TEX19: variants seen among roughly 807,000 people sequenced by gnomAD.
The protein encoded by TEX19 is testis-expressed protein 19.
For synonymous variants in TEX19, 77 were observed against 73.9 expected (o/e 1.04, Z -0.21); for missense variants, 184 against 194.4 (o/e 0.95, Z 0.32).
At position 82,362,792 on chromosome 17, in the gene TEX19, C is replaced by A; in HGVS notation, c.*147C>A. 3.9e-6 allele frequency: 4 copies of A among 1,032,182 alleles called. No individual in the cohort carries two copies. In the South Asian group the frequency reaches 8.2e-5, roughly 21 times the overall value. 63.9% of individuals were successfully genotyped at this position (1,032,182 alleles called of 1,614,324 possible). ...TGGTGGGCTGCTATGATACCATCTA[C>A]CTACAGAAGATGACCCCAGACAGGG... On this transcript the variant is annotated 3_prime_UTR_variant, in exon 2 of 2. Coordinates refer to ENST00000333437, the MANE Select transcript of TEX19 (RefSeq NM_207459.4). The surrounding 1 kb of genome is among the most constrained non-coding windows in gnomAD (Gnocchi z 5.5).
chr17:82,361,486 TCAGGTTCCCC>T lies in TEX19; in HGVS notation c.-271-390_-271-381del, dbSNP rs1292724494. Among the ~76,000 whole-genome samples the T allele has an allele frequency of 2.2e-5, 3 of 135,946 alleles. No individual in the cohort carries two copies. The South Asian group carries it at 7.1e-4, about 32-fold the overall frequency. The allele number at this position is 135,946 out of a possible 152,430, so 89.2% of individuals were successfully genotyped here. On this transcript the variant is annotated intron_variant, in intron 1 of 1. Coordinates refer to ENST00000333437, the MANE Select transcript of TEX19 (RefSeq NM_207459.4). ...TTCCCTCAGTTTCCCCCAGTTTCTC[TCAGGTTCCCC>T]CAGTTTCCCTCAGTTTCCCCCAGTT... is the stretch of plus-strand genomic sequence containing the variant.
chr17:82,362,084 A>G lies in TEX19; in HGVS notation c.-67A>G. 4 of 1,540,340 alleles carry G rather than the reference A, an allele frequency of 2.6e-6. No homozygotes were observed. In the South Asian group the frequency reaches 5.0e-5, roughly 19 times the overall value. On this transcript the variant is annotated 5_prime_UTR_variant, in exon 2 of 2. Coordinates refer to ENST00000333437, the MANE Select transcript of TEX19 (RefSeq NM_207459.4). The surrounding 1 kb of genome is among the most constrained non-coding windows in gnomAD (Gnocchi z 5.5). ...TACTGGCCTCAGCACCTGTGGCCAG[A>G]CCGTCCAAGATCCTCTGAAGGCCCA...
At chr17:82,359,557 AAGTTTCCCTC>A (rs1329322396) in intron 1 of TEX19, among the ~76,000 whole-genome samples, 2 of 88,440 alleles carry the variant, frequency 2.3e-5, no homozygotes, top group Non-Finnish European at 4.5e-5. Flanking sequence ...AGTTTCCCTC[AAGTTTCCCTC>A]AGTTTCCCTC....
intron 1 of TEX19, among the ~76,000 whole-genome samples, chr17:82,360,775 AAGTTTCCCTCAGGTTCCCCC>A (rs2052381917): frequency 1.6e-4 from 8 of 49,204 alleles, no homozygotes; most frequent in African/African-American, 6.8e-4. Flanking sequence ...AGTTTCCCTC[AAGTTTCCCTCAGGTTCCCCC>A]AGTTTCCCTC....
At chr17:82,361,714 G>A (rs1028542943) in intron 1 of TEX19, 166 bp from the exon 2 acceptor site, 14 of 985,142 alleles carry the variant, frequency 1.4e-5, no homozygotes, top group South Asian at 4.7e-5. Flanking sequence ...CGGGGAGGTC[G>A]GATGGAGGAA....
intron 1 of TEX19, chr17:82,361,632 T>G: frequency 1.0e-6 from 1 of 985,392 alleles, no homozygotes; most frequent in South Asian, 4.7e-5. Context: ...TCCCTCATGT[T>G]CCCCCAGGTT....
rs1286675254 is a variant in TEX19 at position 82,362,400 on chromosome 17, G to A, written c.250G>A (p.Gly84Arg). The change falls in exon 2 of 2, where the codon GGG becomes AGG. Residue 84 changes from glycine to arginine, a missense_variant. Transcript: ENST00000333437. The surrounding 1 kb of genome is among the most constrained non-coding windows in gnomAD (Gnocchi z 5.5). ...EGSSGMELSWGQSPGQPVQGG... is the reference protein window; with the variant it reads ...EGSSGMELSWRQSPGQPVQGG... ...GTCCTCAGGGATGGAGCTGAGCTGG[G>A]GGCAGAGCCCAGGACAGCCTGTGCA... is the stretch of plus-strand genomic sequence containing the variant. 1 of 1,613,232 alleles carries A rather than the reference G, an allele frequency of 6.2e-7. No individual in the cohort carries two copies. Among genetic ancestry groups the A allele is most frequent in the African/African-American group, 1.3e-5 (1 of 75,050 alleles).
Position 82,362,918 on chromosome 17 carries a change from G to A in TEX19, c.*273G>A. On this transcript the variant is annotated 3_prime_UTR_variant, in exon 2 of 2. Coordinates refer to ENST00000333437, the MANE Select transcript of TEX19 (RefSeq NM_207459.4). The surrounding 1 kb of genome is among the most constrained non-coding windows in gnomAD (Gnocchi z 5.5). ...CACCCCAAGAGCAGGACCTGCACTG[G>A]TGGATGCTGAGCATTCTAGAAACAT... The A allele has an allele frequency of 2.3e-6, 1 of 427,420 alleles. No homozygotes were observed. Among genetic ancestry groups the A allele is most frequent in the Non-Finnish European group, 4.3e-6 (1 of 233,450 alleles). The allele number at this position is 427,420 out of a possible 1,614,324, so 26.5% of individuals were successfully genotyped here. A position where few individuals can be genotyped will look rare whatever the true frequency, so the allele number is the denominator to read the frequency against.
rs1184019063 is a variant in TEX19 at position 82,362,511 on chromosome 17, C to T, written c.361C>T (p.Pro121Ser). Residue 121 changes from proline (P) to serine (S), a missense_variant, in exon 2 of 2, where the codon CCC becomes TCC. Coordinates refer to ENST00000333437, the MANE Select transcript of TEX19 (RefSeq NM_207459.4). The surrounding 1 kb of genome is among the most constrained non-coding windows in gnomAD (Gnocchi z 5.5). Reference sequence around the variant, plus strand: ...TGCAGGTCTGGACCCCCACTTTGTCCCCACTGAACTATGGCCTCAGGAGGC... The same window carrying T: ...TGCAGGTCTGGACCCCCACTTTGTCTCCACTGAACTATGGCCTCAGGAGGC... ...EDAGLDPHFV[P>S]TELWPQEAVP... 3.1e-6 allele frequency: 5 copies of T among 1,612,922 alleles called. No homozygotes were observed. Among genetic ancestry groups the T allele is most frequent in the Non-Finnish European group, 4.2e-6 (5 of 1,179,946 alleles).
Position 82,362,431 on chromosome 17 carries a change from G to T in TEX19, c.281G>T (p.Gly94Val), listed in dbSNP as rs371566517. The T allele has an allele frequency of 5.6e-6, 9 of 1,612,726 alleles. No individual in the cohort carries two copies. In the South Asian group the frequency reaches 9.9e-5, roughly 18 times the overall value. ...AGCCCAGGACAGCCTGTGCAGGGGG[G>T]CTCTGAGGCATGGGGGCCAGGGACC... Reference protein sequence around the residue: ...GQSPGQPVQGGSEAWGPGTLA... With the variant: ...GQSPGQPVQGVSEAWGPGTLA... The change falls in exon 2 of 2, where the codon GGC becomes GTC. Residue 94 changes from glycine (G) to valine (V), a missense_variant. Gly to Val is a moderately radical substitution (Grantham distance 109, BLOSUM62 -3). Transcript: ENST00000333437. The surrounding 1 kb of genome is among the most constrained non-coding windows in gnomAD (Gnocchi z 5.5).
In TEX19 at chr17:82,362,453, G is replaced by A; in HGVS notation, c.303G>A (p.Gly101=). ...GGGGCTCTGAGGCATGGGGGCCAGGGACCCTGGCAGCAGCCCCAGAAGGGT... is the reference window on the plus strand; with the variant it reads ...GGGGCTCTGAGGCATGGGGGCCAGGAACCCTGGCAGCAGCCCCAGAAGGGT... ...VQGGSEAWGP[G]TLAAAPEGLE... Residue 101 remains glycine (G), a synonymous_variant, in exon 2 of 2, where the codon GGG becomes GGA. Transcript: ENST00000333437. The surrounding 1 kb of genome is among the most constrained non-coding windows in gnomAD (Gnocchi z 5.5). 6.2e-7 allele frequency: 1 copy of A among 1,612,744 alleles called. No individual in the cohort carries two copies. Among genetic ancestry groups the A allele is most frequent in the Non-Finnish European group, 8.5e-7 (1 of 1,179,824 alleles).
In TEX19 at chr17:82,361,953, C is replaced by T. The variant is rs2052398159; in HGVS notation, c.-198C>T. The T allele has an allele frequency of 2.6e-6, 2 of 782,944 alleles. No individual in the cohort carries two copies. The highest frequency in any genetic ancestry group is 3.9e-6 in the Non-Finnish European group (2 of 513,208). 48.5% of individuals were successfully genotyped at this position (782,944 alleles called of 1,614,324 possible). A position where few individuals can be genotyped will look rare whatever the true frequency, so the allele number is the denominator to read the frequency against. On this transcript the variant is annotated 5_prime_UTR_variant, in exon 2 of 2. Transcript: ENST00000333437. ...TTCAAGCTTCCACCCTCTGCAGGTC[C>T]CCACTGAGCTGGGACCCAGGTCATC...
chr17:82,361,840 C>A (rs937908164), intron 1 of TEX19, 40 bp from the exon 2 acceptor site: 12 of 993,112 alleles, frequency 1.2e-5, no homozygotes, highest in East Asian at 5.5e-5. Context: ...CCCACCCTGC[C>A]TGCTGGGGGT....
rs1337503227 is a variant in TEX19, at chr17:82,361,551, T to C, written c.-271-329T>C. The C allele has an allele frequency of 7.4e-5, 68 of 922,394 alleles. 3 individuals carry two copies. The highest frequency in any genetic ancestry group is 1.2e-4 in the Admixed American group (2 of 16,070). The allele number at this position is 922,394 out of a possible 1,614,324, so 57.1% of individuals were successfully genotyped here. A position where few individuals can be genotyped will look rare whatever the true frequency, so the allele number is the denominator to read the frequency against. On this transcript the variant is annotated intron_variant, in intron 1 of 1. Coordinates refer to ENST00000333437, the MANE Select transcript of TEX19 (RefSeq NM_207459.4). The stretch of plus-strand genomic sequence containing the variant: ...TCAGGTTCCCCCAGTTTCCCTCAGG[T>C]TCCCTCAGGTTCCCCCAGTTTCCTT...
chr17:82,362,255 C>T lies in TEX19; in HGVS notation c.105C>T (p.Phe35=). 1.9e-6 allele frequency: 3 copies of T among 1,614,044 alleles called. No individual in the cohort carries two copies. Among genetic ancestry groups the T allele is most frequent in the Non-Finnish European group, 2.5e-6 (3 of 1,180,030 alleles). The change falls in exon 2 of 2, where the codon TTC becomes TTT. Residue 35 remains phenylalanine (F), a synonymous_variant. Coordinates refer to ENST00000333437, the MANE Select transcript of TEX19 (RefSeq NM_207459.4). This position sits in a 1 kb window ranked among gnomAD's most constrained non-coding sequence, Gnocchi z 5.5. The stretch of plus-strand genomic sequence containing the variant: ...ATGGAGATCAGCTAAGCATTTGCTT[C>T]ACCTGCTTCAAGGCTGCCTTTCTAG... ...LQHGDQLSIC[F]TCFKAAFLDF...
chr17:82,362,690 G>A lies in TEX19; in HGVS notation c.*45G>A. ...ACCTGCCCCCAGGGGAGCCCGTGGT[G>A]TTGAAGCTGGGCATTACCTGGGCAG... On this transcript the variant is annotated 3_prime_UTR_variant, in exon 2 of 2. Coordinates refer to ENST00000333437, the MANE Select transcript of TEX19 (RefSeq NM_207459.4). This position sits in a 1 kb window ranked among gnomAD's most constrained non-coding sequence, Gnocchi z 5.5. The A allele has an allele frequency of 2.0e-6, 3 of 1,517,650 alleles. No homozygotes were observed. The highest frequency in any genetic ancestry group is 8.8e-7 in the Non-Finnish European group (1 of 1,136,112). 94.0% of individuals were successfully genotyped at this position (1,517,650 alleles called of 1,614,324 possible). A position where few individuals can be genotyped will look rare whatever the true frequency, so the allele number is the denominator to read the frequency against.
In TEX19 at chr17:82,362,227, A is replaced by T; in HGVS notation, c.77A>T (p.Gln26Leu). 3.7e-6 allele frequency: 6 copies of T among 1,613,892 alleles called. No individual in the cohort carries two copies. Among genetic ancestry groups the T allele is most frequent in the Non-Finnish European group, 5.1e-6 (6 of 1,180,018 alleles). ...YLYASWMYQL[Q>L]HGDQLSICFT... ...TACGCCTCCTGGATGTATCAGCTTC[A>T]ACATGGAGATCAGCTAAGCATTTGC... The change falls in exon 2 of 2, where the codon CAA (glutamine) becomes CTA (leucine). Residue 26 changes from glutamine (Q) to leucine (L), a missense_variant. Gln to Leu is a moderately radical substitution (Grantham distance 113). Transcript: ENST00000333437. This position sits in a 1 kb window ranked among gnomAD's most constrained non-coding sequence, Gnocchi z 5.5.
At position 82,360,884 on chromosome 17, in the gene TEX19, TCAGTTTCCCC is replaced by T. The variant is rs201565479; in HGVS notation, c.-271-986_-271-977del. Among the ~76,000 whole-genome samples, 3 of 38,666 alleles carry T rather than the reference TCAGTTTCCCC, an allele frequency of 7.8e-5. No homozygotes were observed. In the Admixed American group the frequency reaches 8.6e-4, roughly 11 times the overall value. The allele number at this position is 38,666 out of a possible 152,430, so 25.4% of individuals were successfully genotyped here. A position where few individuals can be genotyped will look rare whatever the true frequency, so the allele number is the denominator to read the frequency against. ...TTCCCCCAGTTTCCCTCAGGTTCCC[TCAGTTTCCCC>T]CAGTTTCCCTCAAGTTTCCCTCAGG... On this transcript the variant is annotated intron_variant, in intron 1 of 1. Coordinates refer to ENST00000333437, the MANE Select transcript of TEX19 (RefSeq NM_207459.4).
chr17:82,359,703 T>C (rs1264539102), intron 1 of TEX19, among the ~76,000 whole-genome samples: 2 of 124,736 alleles, frequency 1.6e-5, no homozygotes, highest in Admixed American at 7.9e-5. Flanking sequence ...TTTCCCTCAG[T>C]TTCCCCCAGT....
Sources: allele counts gnomAD v4.1 joint callset (sites outside exome capture counted in the v4.1 genomes callset), GRCh38; gene constraint gnomAD v4.1.1; non-coding constraint Gnocchi (gnomAD v3.1); transcripts MANE v1.5; gene names NCBI Gene and HGNC (gene_info 2026-07-23, HGNC 2026-07-21).